The following OBP2A variants were observed in gnomAD, a reference collection of about 807,000 sequenced individuals.
OBP2A encodes the protein odorant-binding protein 2a.
A neutral mutation model predicts 21.9 loss-of-function variants in OBP2A; 15 were observed. The ratio of observed to expected loss-of-function variants is 0.69; its 90% CI spans 0.46 to 1.06. The LOEUF is 1.06. Among genes scored for constraint, OBP2A ranks in the 50% least tolerant of loss-of-function variants. The probability of loss-of-function intolerance (pLI) is 0.00; values close to 1 mark genes in which losing one functional copy is unlikely to be tolerated. For synonymous variants in OBP2A, 86 were observed against 91.8 expected (o/e 0.94, Z 0.36); for missense variants, 192 against 220.1 (o/e 0.87, Z 0.81).
In OBP2A at chr9:135,547,175, C is replaced by T; in HGVS notation, c.207-3C>T. 1 of 1,612,172 alleles carries T rather than the reference C, an allele frequency of 6.2e-7. No homozygotes were observed. The highest frequency in any genetic ancestry group is 8.5e-7 in the Non-Finnish European group (1 of 1,179,848). On this transcript the variant is annotated splice_region_variant and splice_polypyrimidine_tract_variant and intron_variant, in intron 2 of 6. Transcript: ENST00000371776. The stretch of plus-strand genomic sequence containing the variant: ...CGCTGCCCGAGTGTCTCCTGTTTTC[C>T]AGGAGGGAGGATCGGTGCATCCAGA...
Position 135,547,864 on chromosome 9 carries a change from T to C in OBP2A, c.278-7T>C. The stretch of plus-strand genomic sequence containing the variant: ...CACTGAAGACCCATCTTCTCTGTCA[T>C]CTACAGATGGGGGCAGGAAGCTCAT... On this transcript the variant is annotated splice_polypyrimidine_tract_variant and splice_region_variant and intron_variant, in intron 3 of 6. Coordinates refer to ENST00000371776, the MANE Select transcript of OBP2A (RefSeq NM_014582.3). 2 of 1,595,726 alleles carry C rather than the reference T, an allele frequency of 1.3e-6. No homozygotes were observed. Among genetic ancestry groups the C allele is most frequent in the Non-Finnish European group, 1.7e-6 (2 of 1,169,688 alleles).
At chr9:135,548,123 G>A (rs1370135335) in intron 4 of OBP2A, 142 bp downstream of exon 4, 2 of 598,684 alleles carry the variant, frequency 3.3e-6, no homozygotes, top group Non-Finnish European at 5.7e-6. Flanking sequence ...ACCAAGCGCT[G>A]CCCTGGATGG....
At position 135,547,888 on chromosome 9, in the gene OBP2A, A is replaced by G. The variant is rs778472305; in HGVS notation, c.295A>G (p.Ile99Val). The G allele has an allele frequency of 6.2e-7, 1 of 1,611,052 alleles. No individual in the cohort carries two copies. Among genetic ancestry groups the G allele is most frequent in the South Asian group, 1.1e-5 (1 of 90,828 alleles). ...KFSAYGGRKL[I>V]YLQELPGTDD... ...ATCTACAGATGGGGGCAGGAAGCTC[A>G]TATACCTGCAGGAGCTGCCCGGGAC... Residue 99 changes from isoleucine to valine, a missense_variant, in exon 4 of 7, where the codon ATA (isoleucine) becomes GTA (valine). Physicochemically the swap from Ile to Val is conservative, Grantham distance 29 (BLOSUM62 3). Transcript: ENST00000371776.
At chr9:135,546,651 C>G in intron 1 of OBP2A, 127 bp from the exon 2 acceptor site, 1 of 1,478,252 alleles carries the variant, frequency 6.8e-7, no homozygotes, top group Non-Finnish European at 9.0e-7. Context: ...GGTGCAGGAA[C>G]CCAGCCTGCC....
chr9:135,548,201 G>GAACCTGCCAAGGGCAA (rs1448338702), intron 4 of OBP2A, among the ~76,000 whole-genome samples: 1 of 152,208 alleles, frequency 6.6e-6, no homozygotes, highest in East Asian at 1.9e-4. Flanking sequence ...TCGGTGACAT[G>GAACCTGCCAAGGGCAA]AACCTGCCAA....
chr9:135,546,420 C>CTA (rs1188623876), intron 1 of OBP2A, among the ~76,000 whole-genome samples, 168 bp downstream of exon 1: 4 of 126,664 alleles, frequency 3.2e-5, no homozygotes, highest in African/African-American at 1.2e-4. Context: ...GCAGACACGG[C>CTA]CCCCCGAGGC....
At chr9:135,547,367 G>A in intron 3 of OBP2A, 119 bp downstream of exon 3, 2 of 1,166,622 alleles carry the variant, frequency 1.7e-6, no homozygotes, top group Non-Finnish European at 2.5e-6. Flanking sequence ...CCACCTCCAA[G>A]GAGGGGCTGG....
chr9:135,549,394 G>T lies in OBP2A; in HGVS notation c.*1+63G>T. ...AGTCCTGGGTTCCCGGGGTTCGAGG[G>T]TACATCTGCTCTGGCCCTTCCCATC... is the stretch of plus-strand genomic sequence containing the variant. On this transcript the variant is annotated intron_variant, in intron 6 of 6. Coordinates refer to ENST00000371776, the MANE Select transcript of OBP2A (RefSeq NM_014582.3). 23 of 1,363,778 alleles carry T rather than the reference G, an allele frequency of 1.7e-5. 3 individuals carry two copies. Among genetic ancestry groups the T allele is most frequent in the Non-Finnish European group, 2.4e-5 (23 of 969,658 alleles). The allele number at this position is 1,363,778 out of a possible 1,614,324, so 84.5% of individuals were successfully genotyped here.
chr9:135,548,469 C>G (rs1832013980), intron 4 of OBP2A, among the ~76,000 whole-genome samples: 2 of 151,988 alleles, frequency 1.3e-5, no homozygotes, highest in Non-Finnish European at 2.9e-5. Context: ...CGGTGGCCGT[C>G]TCCTCTGTCC....
intron 4 of OBP2A, 115 bp from the exon 5 acceptor site, chr9:135,548,593 C>T: frequency 1.3e-6 from 2 of 1,497,248 alleles, no homozygotes; most frequent in Non-Finnish European, 1.8e-6. Context: ...CTGATCCACT[C>T]TCGGGCCTCT....
intron 4 of OBP2A, 146 bp from the exon 5 acceptor site, chr9:135,548,562 C>T: frequency 3.4e-6 from 4 of 1,186,370 alleles, no homozygotes; most frequent in Non-Finnish European, 4.7e-6. Context: ...TCTCTTCTGT[C>T]CCCAGCCCCA....
At chr9:135,548,392 C>A (rs543000053) in intron 4 of OBP2A, among the ~76,000 whole-genome samples, 8 of 95,470 alleles carry the variant, frequency 8.4e-5, no homozygotes, top group African/African-American at 2.6e-4. Context: ...CTGCCCAGGT[C>A]CCCCTGGGGT....
chr9:135,549,068 T>C (rs1300258750), intron 5 of OBP2A, among the ~76,000 whole-genome samples: 8 of 59,196 alleles, frequency 1.4e-4, no homozygotes, highest in Admixed American at 5.0e-4. Flanking sequence ...GGTCTGGGGC[T>C]CCGCGCTCTG....
chr9:135,546,525 C>T (rs1447935298), intron 1 of OBP2A, among the ~76,000 whole-genome samples: 1 of 151,652 alleles, frequency 6.6e-6, no homozygotes, highest in African/African-American at 2.4e-5. Context: ...AGGGAGGGCT[C>T]ACCTGGTGCT....
chr9:135,546,791 G>C lies in OBP2A; in HGVS notation c.86G>C (p.Trp29Ser), dbSNP rs1246325229. The C allele has an allele frequency of 6.2e-7, 1 of 1,611,284 alleles. No individual in the cohort carries two copies. Among genetic ancestry groups the C allele is most frequent in the Non-Finnish European group, 8.5e-7 (1 of 1,178,468 alleles). Residue 29 changes from tryptophan to serine, a missense_variant, in exon 2 of 7, where the codon TGG (tryptophan) becomes TCG (serine). Trp to Ser is a radical substitution (Grantham distance 177). Transcript: ENST00000371776. ...GGCCTGCTCCAGATCACAGGGACCTGGTACGTGAAGGCCATGGTGGTCGAT... is the reference window on the plus strand; with the variant it reads ...GGCCTGCTCCAGATCACAGGGACCTCGTACGTGAAGGCCATGGTGGTCGAT... ...TLEEEDITGT[W>S]YVKAMVVDKD...
rs535886153 is a variant in OBP2A, at chr9:135,547,158, G to A, written c.207-20G>A. The A allele has an allele frequency of 5.5e-5, 89 of 1,609,456 alleles. 1 individual carries two copies. In the African/African-American group the frequency reaches 8.8e-4, roughly 16 times the overall value. On this transcript the variant is annotated intron_variant, in intron 2 of 6. Coordinates refer to ENST00000371776, the MANE Select transcript of OBP2A (RefSeq NM_014582.3). ...AGGTGTGTCCTGGGAGCCGCTGCCC[G>A]AGTGTCTCCTGTTTTCCAGGAGGGA...
chr9:135,547,477 G>A (rs1831972004), intron 3 of OBP2A, among the ~76,000 whole-genome samples: 1 of 152,242 alleles, frequency 6.6e-6, no homozygotes. Flanking sequence ...CCCTCTGGGA[G>A]GCCCTAGCCA....
At chr9:135,548,901 G>T in intron 5 of OBP2A, 92 bp downstream of exon 5, 1 of 1,378,574 alleles carries the variant, frequency 7.3e-7, no homozygotes, top group South Asian at 1.2e-5. Flanking sequence ...CATGTCCCCC[G>T]CATTCCCCGT....
In OBP2A at chr9:135,546,677, C is replaced by T. The variant is rs1182960902; in HGVS notation, c.73-101C>T. On this transcript the variant is annotated intron_variant, in intron 1 of 6. Transcript: ENST00000371776. ...CCAGCCTGCCTTTAGGGGTGGCAGC[C>T]GGGCACCATGGGTGTCTGGTTATAG... 8 of 1,518,802 alleles carry T rather than the reference C, an allele frequency of 5.3e-6. No homozygotes were observed. The South Asian group carries it at 6.4e-5, about 12-fold the overall frequency. 94.1% of individuals were successfully genotyped at this position (1,518,802 alleles called of 1,614,324 possible). A position where few individuals can be genotyped will look rare whatever the true frequency, so the allele number is the denominator to read the frequency against.
Sources: gnomAD v4.1 joint callset for allele counts (sites outside exome capture counted in the v4.1 genomes callset) on GRCh38, gnomAD v4.1.1 for gene constraint, MANE v1.5 for transcripts, NCBI Gene and HGNC (gene_info 2026-07-23, HGNC 2026-07-21) for gene names.